ADGB: variants seen among roughly 807,000 people sequenced by gnomAD.
ADGB encodes the protein calpain-7-like protein.
ADGB carries 172 observed loss-of-function variants against 210.5 expected under a neutral mutation model. The observed-to-expected ratio is 0.82, with a 90% CI of 0.72 to 0.93. ADGB has a LOEUF of 0.93. ADGB is among the 40% of genes least tolerant of loss of function. ADGB has a pLI of 0.00. For synonymous variants in ADGB, 658 were observed against 662.7 expected, an observed-to-expected ratio of 0.99 and a Z score of 0.11; for missense variants, 2,025 against 1,964.8, an observed-to-expected ratio of 1.03 and a Z score of -0.58.
intron 29 of ADGB, among the ~76,000 whole-genome samples, chr6:146,775,637 A>G (rs181247961): frequency 1.6e-4 from 24 of 152,206 alleles, no homozygotes; most frequent in Admixed American, 9.2e-4. Flanking sequence ...ACAAATATAA[A>G]TTTGTCATTC....
At chr6:146,714,933 C>T (rs963469811) in intron 13 of ADGB, among the ~76,000 whole-genome samples, 4 of 152,180 alleles carry the variant, frequency 2.6e-5, no homozygotes, top group Non-Finnish European at 4.4e-5. Context: ...AAGTTATACA[C>T]ATGAATTCAA....
rs373201109 is a variant in ADGB at position 146,788,543 on chromosome 6, C to A, written c.4470C>A (p.Ser1490Arg). The change falls in exon 33 of 36, where the codon AGC becomes AGA. Residue 1490 changes from serine to arginine, a missense_variant. By Grantham distance (110) the Ser-to-Arg change is moderately radical. Transcript: ENST00000397944. ...GLRDVAKSTS[S>R]ESGGVSSPGK... Reference sequence around the variant, plus strand: ...GGGATGTGGCAAAATCCACGAGTAGCGAAAGTGGAGGAGTGTCTTCACCAG... The same window carrying A: ...GGGATGTGGCAAAATCCACGAGTAGAGAAAGTGGAGGAGTGTCTTCACCAG... 1.0e-5 allele frequency: 16 copies of A among 1,551,288 alleles called. No individual in the cohort carries two copies. Among genetic ancestry groups the A allele is most frequent in the Non-Finnish European group, 1.3e-5 (15 of 1,146,898 alleles).
chr6:146,771,584 TGTC>T (rs1297649928), intron 29 of ADGB, among the ~76,000 whole-genome samples: 1 of 152,176 alleles, frequency 6.6e-6, no homozygotes, highest in African/African-American at 2.4e-5. Flanking sequence ...CACCATTCTC[TGTC>T]TTCTTTTTCT....
intron 5 of ADGB, among the ~76,000 whole-genome samples, chr6:146,661,664 T>C (rs1426723079): frequency 6.6e-6 from 1 of 152,158 alleles, no homozygotes; most frequent in East Asian, 1.9e-4. Context: ...TTTAAGTAAA[T>C]ATTTTAACTG....
intron 27 of ADGB, among the ~76,000 whole-genome samples, chr6:146,754,045 G>C (rs376745332): frequency 2.6e-5 from 4 of 151,356 alleles, no homozygotes; most frequent in African/African-American, 9.7e-5. Flanking sequence ...TTTTAGGGGA[G>C]AGACATTCAT....
intron 1 of ADGB, among the ~76,000 whole-genome samples, chr6:146,619,082 A>G (rs1328398516): frequency 6.6e-6 from 1 of 151,988 alleles, no homozygotes; most frequent in Admixed American, 6.6e-5. Context: ...CTCTTGCTGT[A>G]TTTACCCCTT....
At chr6:146,643,935 G>T (rs1775558937) in intron 2 of ADGB, among the ~76,000 whole-genome samples, 1 of 151,776 alleles carries the variant, frequency 6.6e-6, no homozygotes, top group East Asian at 1.9e-4. Flanking sequence ...TACCACAAAT[G>T]GTGGGATTTC....
chr6:146,791,733 A>C (rs1364976876), intron 33 of ADGB, among the ~76,000 whole-genome samples: 1 of 151,684 alleles, frequency 6.6e-6, no homozygotes, highest in Non-Finnish European at 1.5e-5. Flanking sequence ...TCCCTTTCCC[A>C]TTGTGTGTTC....
chr6:146,618,527 T>G (rs189296054), intron 1 of ADGB, among the ~76,000 whole-genome samples: 1 of 152,142 alleles, frequency 6.6e-6, no homozygotes, highest in Admixed American at 6.5e-5. Context: ...AGAACTGCTT[T>G]TGTCATATCC....
chr6:146,608,889 C>G (rs1006129434), intron 1 of ADGB, among the ~76,000 whole-genome samples: 1 of 152,074 alleles, frequency 6.6e-6, no homozygotes, highest in African/African-American at 2.4e-5. Flanking sequence ...CAGGTCCATT[C>G]GGTCATGTGT....
chr6:146,611,561 T>A (rs912768882), intron 1 of ADGB, among the ~76,000 whole-genome samples: 12 of 152,160 alleles, frequency 7.9e-5, no homozygotes, highest in African/African-American at 2.2e-4. Context: ...TGCCTATTTA[T>A]CTCACTGCTT....
At chr6:146,734,682 G>T (rs976457617) in intron 22 of ADGB, among the ~76,000 whole-genome samples, 13 of 152,278 alleles carry the variant, frequency 8.5e-5, no homozygotes, top group Admixed American at 7.2e-4. Flanking sequence ...GGCTGAGGGG[G>T]GCAGATTGCT....
intron 29 of ADGB, among the ~76,000 whole-genome samples, chr6:146,772,212 G>T (rs1777661256): frequency 6.6e-6 from 1 of 151,886 alleles, no homozygotes; most frequent in Admixed American, 6.6e-5. Flanking sequence ...TCTGAATAAT[G>T]TTTAAATGAG....
At chr6:146,622,570 TTA>T (rs1780910560) in intron 1 of ADGB, among the ~76,000 whole-genome samples, 1 of 152,122 alleles carries the variant, frequency 6.6e-6, no homozygotes, top group Non-Finnish European at 1.5e-5. Flanking sequence ...TACTCTTATG[TTA>T]GAGTATTTGA....
intron 1 of ADGB, among the ~76,000 whole-genome samples, chr6:146,628,984 G>A (rs1165977805): frequency 6.6e-6 from 1 of 152,038 alleles, no homozygotes; most frequent in Non-Finnish European, 1.5e-5. Flanking sequence ...TACTCACAAA[G>A]TTAATTTGTT....
At chr6:146,624,096 A>C (rs2114846718) in intron 1 of ADGB, among the ~76,000 whole-genome samples, 1 of 151,904 alleles carries the variant, frequency 6.6e-6, no homozygotes, top group Admixed American at 6.6e-5. Context: ...GGAATGAATA[A>C]GGAAGTATTC....
At chr6:146,611,126 T>G (rs1466799810) in intron 1 of ADGB, among the ~76,000 whole-genome samples, 1 of 151,936 alleles carries the variant, frequency 6.6e-6, no homozygotes, top group Non-Finnish European at 1.5e-5. Context: ...CTGTAGAAGC[T>G]CTCTGATGGT....
chr6:146,756,182 G>A lies in ADGB; in HGVS notation c.3550+3468G>A, dbSNP rs779921139. On this transcript the variant is annotated intron_variant, in intron 27 of 35. Coordinates refer to ENST00000397944, the MANE Select transcript of ADGB (RefSeq NM_024694.4). ...TTTCCCAGTCCAGTGTTCTATCCAG[G>A]AACTGCTCCTAGCTAGTGGGATGAA... is the stretch of plus-strand genomic sequence containing the variant. 3.9e-5 allele frequency among the ~76,000 whole-genome samples: 6 copies of A among 152,040 alleles called. 1 individual carries two copies. Among genetic ancestry groups the A allele is most frequent in the Non-Finnish European group, 5.9e-5 (4 of 68,006 alleles).
intron 11 of ADGB, among the ~76,000 whole-genome samples, chr6:146,692,570 C>G (rs959553082): frequency 6.6e-6 from 1 of 152,132 alleles, no homozygotes; most frequent in African/African-American, 2.4e-5. Context: ...TAAGACATTG[C>G]TAACTTTCTC....
Sources: allele counts gnomAD v4.1 joint callset (sites outside exome capture counted in the v4.1 genomes callset), GRCh38; gene constraint gnomAD v4.1.1; transcripts MANE v1.5; gene names NCBI Gene and HGNC (gene_info 2026-07-23, HGNC 2026-07-21).